GNAQ: variants seen among roughly 807,000 people sequenced by gnomAD.
GNAQ encodes G protein subunit alpha q.
Under a neutral mutation model 43.9 loss-of-function variants are expected in GNAQ, and 8 were observed. The observed-to-expected ratio is 0.18, with a 90% CI of 0.11 to 0.33. The LOEUF (loss-of-function observed/expected upper bound fraction) is 0.33. Among genes scored for constraint, GNAQ ranks in the 10% least tolerant of loss-of-function variants. The pLI, the probability that GNAQ is intolerant of heterozygous loss-of-function variation, is 1.00. For missense variants in GNAQ, 158 were observed against 450.8 expected, an observed-to-expected ratio of 0.35 and a Z score of 5.88; for synonymous variants, 155 against 170.7, an observed-to-expected ratio of 0.91 and a Z score of 0.71.
At chr9:77,845,606 T>C (rs1827572291) in intron 2 of GNAQ, among the ~76,000 whole-genome samples, 1 of 152,222 alleles carries the variant, frequency 6.6e-6, no homozygotes, top group Non-Finnish European at 1.5e-5. Flanking sequence ...CCAAGTTCAC[T>C]ATAAGGCTTG....
intron 1 of GNAQ, among the ~76,000 whole-genome samples, chr9:78,012,655 G>T (rs1823788270): frequency 6.6e-6 from 1 of 151,922 alleles, no homozygotes; most frequent in Non-Finnish European, 1.5e-5. Flanking sequence ...AGAAATATTT[G>T]GTGATAAGCA....
rs959975724 is a variant in GNAQ at position 77,716,190 on chromosome 9, C to T, written c.*5133G>A. The stretch of plus-strand genomic sequence containing the variant: ...GAAGGAAAGATGTATTTCAGTACTC[C>T]TACTAATACAAAACATTCTGAGAGG... On this transcript the variant is annotated 3_prime_UTR_variant, in exon 7 of 7. Transcript: ENST00000286548. The T allele has an allele frequency of 7.3e-5, 15 of 205,350 alleles. No individual in the cohort carries two copies. The highest frequency in any genetic ancestry group is 3.0e-4 in the African/African-American group (13 of 43,664). 12.7% of individuals were successfully genotyped at this position (205,350 alleles called of 1,614,324 possible). A position where few individuals can be genotyped will look rare whatever the true frequency, so the allele number is the denominator to read the frequency against.
intron 5 of GNAQ, among the ~76,000 whole-genome samples, chr9:77,783,892 C>A (rs1049922596): frequency 6.6e-6 from 1 of 151,934 alleles, no homozygotes; most frequent in Non-Finnish European, 1.5e-5. Flanking sequence ...CATAGCAAGA[C>A]CCTGTCTCTT....
chr9:77,877,011 A>G (rs1828136656), intron 2 of GNAQ, among the ~76,000 whole-genome samples: 1 of 152,176 alleles, frequency 6.6e-6, no homozygotes, highest in Admixed American at 6.5e-5. Context: ...TAATATAACA[A>G]ATCCATTCAA....
chr9:77,751,614 T>A (rs1366617464), intron 5 of GNAQ, among the ~76,000 whole-genome samples: 1 of 152,144 alleles, frequency 6.6e-6, no homozygotes, highest in Non-Finnish European at 1.5e-5. Flanking sequence ...TGGAAAGAGC[T>A]ACAACCTCAC....
intron 2 of GNAQ, among the ~76,000 whole-genome samples, chr9:77,888,159 G>A (rs1260860443): frequency 6.6e-6 from 1 of 152,074 alleles, no homozygotes; most frequent in East Asian, 1.9e-4. Context: ...TTGTTTTGAT[G>A]GGGTCCCAAT....
rs117963980 is a variant in GNAQ, at chr9:78,006,655, G to A, written c.136+24445C>T. ...CTTATCTTAAGGTCTCCTGAAATAC[G>A]CCTTTTGGAAATTTACTGCAAAGTT... On this transcript the variant is annotated intron_variant, in intron 1 of 6. Transcript: ENST00000286548. 5.1e-3 allele frequency among the ~76,000 whole-genome samples: 769 copies of A among 152,182 alleles called. 4 individuals are homozygous for A. Among genetic ancestry groups the A allele is most frequent in the Middle Eastern group, 0.014 (4 of 294 alleles).
chr9:77,718,086 T>TA lies in GNAQ; in HGVS notation c.*3236dup. 1 of 232,818 alleles carries TA rather than the reference T, an allele frequency of 4.3e-6. No homozygotes were observed. The allele number at this position is 232,818 out of a possible 1,614,324, so 14.4% of individuals were successfully genotyped here. On this transcript the variant is annotated 3_prime_UTR_variant, in exon 7 of 7. Coordinates refer to ENST00000286548, the MANE Select transcript of GNAQ (RefSeq NM_002072.5). ...TGTAAACTGGTACACTGCAATGTGT[T>TA]AAGTGAGTCATGAAATGGCTGCTTG... is the stretch of plus-strand genomic sequence containing the variant.
intron 1 of GNAQ, among the ~76,000 whole-genome samples, chr9:78,023,601 C>T (rs2022433667): frequency 6.6e-6 from 1 of 151,436 alleles, no homozygotes; most frequent in Non-Finnish European, 1.5e-5. Flanking sequence ...TAGAAGATCT[C>T]ACCAATCACC....
intron 2 of GNAQ, among the ~76,000 whole-genome samples, chr9:77,863,216 A>AAGGAAGGAAGGGAGGGAGGGAGGGAGGG (rs1281288103): frequency 1.3e-5 from 2 of 148,976 alleles, no homozygotes; most frequent in African/African-American, 5.1e-5. Flanking sequence ...GGAAGGAAGG[A>AAGGAAGGAAGGGAGGGAGGGAGGGAGGG]AGGGAGGAAG....
intron 1 of GNAQ, among the ~76,000 whole-genome samples, chr9:78,004,569 C>T (rs1823682929): frequency 6.6e-6 from 1 of 152,118 alleles, no homozygotes; most frequent in South Asian, 2.1e-4. Context: ...CTCCAACTGC[C>T]CATTGCCATT....
chr9:77,924,351 G>T (rs1475950738), intron 1 of GNAQ, among the ~76,000 whole-genome samples: 6 of 152,048 alleles, frequency 3.9e-5, no homozygotes, highest in Non-Finnish European at 8.8e-5. Flanking sequence ...GCAATTAAAA[G>T]TATACAAGAC....
chr9:78,020,077 A>G (rs1004831564), intron 1 of GNAQ, among the ~76,000 whole-genome samples: 10 of 152,164 alleles, frequency 6.6e-5, no homozygotes, highest in African/African-American at 2.4e-4. Flanking sequence ...TCTCAGCTAA[A>G]AGGTGTTATT....
intron 5 of GNAQ, among the ~76,000 whole-genome samples, chr9:77,744,395 C>T (rs1441684702): frequency 2.0e-5 from 3 of 152,110 alleles, no homozygotes; most frequent in Non-Finnish European, 4.4e-5. Flanking sequence ...TAATTCTCCC[C>T]CAACCCCTTT....
At chr9:77,954,155 G>T (rs1056003780) in intron 1 of GNAQ, among the ~76,000 whole-genome samples, 1 of 152,198 alleles carries the variant, frequency 6.6e-6, no homozygotes, top group Non-Finnish European at 1.5e-5. Flanking sequence ...ATACTGGGAA[G>T]TAAGTAATGC....
At chr9:77,954,785 T>C (rs994392449) in intron 1 of GNAQ, among the ~76,000 whole-genome samples, 1 of 151,806 alleles carries the variant, frequency 6.6e-6, no homozygotes, top group Non-Finnish European at 1.5e-5. Context: ...GGCAAAAGGG[T>C]CTCCTGAATC....
chr9:77,796,084 T>C (rs1826653914), intron 4 of GNAQ, among the ~76,000 whole-genome samples: 1 of 152,196 alleles, frequency 6.6e-6, no homozygotes, highest in Non-Finnish European at 1.5e-5. Flanking sequence ...AAAACGTAAG[T>C]AATATAGAAT....
chr9:77,974,668 T>C (rs188507316), intron 1 of GNAQ, among the ~76,000 whole-genome samples: 3 of 152,212 alleles, frequency 2.0e-5, no homozygotes, highest in Non-Finnish European at 2.9e-5. Context: ...CCTAGTGCTA[T>C]AGCTGCTCAC....
intron 2 of GNAQ, among the ~76,000 whole-genome samples, chr9:77,912,889 T>G (rs1350859137): frequency 6.6e-6 from 1 of 152,188 alleles, no homozygotes; most frequent in Non-Finnish European, 1.5e-5. Flanking sequence ...GGTACACCCC[T>G]GTAATCCCAG....
Sources: gnomAD v4.1 joint callset for allele counts (sites outside exome capture counted in the v4.1 genomes callset) on GRCh38, gnomAD v4.1.1 for gene constraint, MANE v1.5 for transcripts, NCBI Gene and HGNC (gene_info 2026-07-23, HGNC 2026-07-21) for gene names.